CACNB2: variants seen among roughly 807,000 people sequenced by gnomAD.
CACNB2 encodes the protein voltage-dependent L-type calcium channel subunit beta-2.
In CACNB2, 42 loss-of-function variants were observed where a neutral mutation model predicts 73.3. The ratio of observed to expected loss-of-function variants is 0.57; its 90% CI spans 0.45 to 0.74. The LOEUF (loss-of-function observed/expected upper bound fraction) is 0.74. Ranked by LOEUF, CACNB2 falls within the 30% of genes least tolerant of loss-of-function variation. CACNB2 has a pLI of 0.00. For missense variants in CACNB2, 940 were observed against 853.0 expected, an observed-to-expected ratio of 1.10 and a Z score of -1.27; for synonymous variants, 348 against 310.3, an observed-to-expected ratio of 1.12 and a Z score of -1.28.
chr10:18,347,718 A>G (rs1223612583), intron 2 of CACNB2, among the ~76,000 whole-genome samples: 1 of 152,174 alleles, frequency 6.6e-6, no homozygotes, highest in Non-Finnish European at 1.5e-5. Flanking sequence ...GTAATTACTT[A>G]AGGAATGTAC....
At chr10:18,530,496 C>A in intron 10 of CACNB2, among the ~76,000 whole-genome samples, 6 of 114,356 alleles carry the variant, frequency 5.2e-5, no homozygotes, top group South Asian at 3.1e-4. Flanking sequence ...TAATAAAATG[C>A]AAGAAGTACA....
At chr10:18,356,884 C>T (rs1006884943) in intron 2 of CACNB2, among the ~76,000 whole-genome samples, 1 of 149,778 alleles carries the variant, frequency 6.7e-6, no homozygotes, top group South Asian at 2.1e-4. Context: ...CCTGCCTCAG[C>T]TTCCCAAAGT....
chr10:18,317,845 T>A (rs1176330541), intron 2 of CACNB2, among the ~76,000 whole-genome samples: 6 of 152,168 alleles, frequency 3.9e-5, no homozygotes, highest in Non-Finnish European at 8.8e-5. Context: ...CATTGGGAAA[T>A]CAGCTATGAA....
chr10:18,331,857 C>T (rs1451633352), intron 2 of CACNB2, among the ~76,000 whole-genome samples: 1 of 152,120 alleles, frequency 6.6e-6, no homozygotes, highest in Non-Finnish European at 1.5e-5. Flanking sequence ...TCATATCACT[C>T]TAAAAGTACC....
chr10:18,194,506 A>T (rs964372248), intron 2 of CACNB2, among the ~76,000 whole-genome samples: 2 of 152,152 alleles, frequency 1.3e-5, no homozygotes, highest in African/African-American at 4.8e-5. Context: ...CAGGTACCCC[A>T]TGGGCTTCTG....
chr10:18,147,834 G>A (rs1300520067), intron 1 of CACNB2, among the ~76,000 whole-genome samples: 1 of 151,868 alleles, frequency 6.6e-6, no homozygotes, highest in Admixed American at 6.6e-5. Flanking sequence ...AGAAGAAGTA[G>A]TCTAGTCCTT....
At chr10:18,530,309 CA>C (rs761718304) in intron 10 of CACNB2, among the ~76,000 whole-genome samples, 1 of 151,994 alleles carries the variant, frequency 6.6e-6, no homozygotes, top group Non-Finnish European at 1.5e-5. Flanking sequence ...TGCCCAGGGA[CA>C]CAAAAGTGAA....
chr10:18,393,277 T>C (rs1373164920), intron 2 of CACNB2, among the ~76,000 whole-genome samples: 2 of 151,960 alleles, frequency 1.3e-5, no homozygotes, highest in Admixed American at 1.3e-4. Flanking sequence ...AAAACACACA[T>C]ACACATACAT....
chr10:18,297,675 C>T (rs560859374), intron 2 of CACNB2, among the ~76,000 whole-genome samples: 1 of 152,300 alleles, frequency 6.6e-6, no homozygotes, highest in African/African-American at 2.4e-5. Flanking sequence ...AGGGCTGCTC[C>T]ACTCCCTGCT....
intron 1 of CACNB2, 30 bp from the exon 2 acceptor site, chr10:18,150,853 G>GTGTTTTTTTTTTTTTTTTTTTT: frequency 1.5e-6 from 1 of 655,040 alleles, no homozygotes; most frequent in Non-Finnish European, 2.1e-6. Context: ...AATCTTATTT[G>GTGTTTTTTTTTTTTTTTTTTTT]TCTTTTTTTT....
chr10:18,338,910 T>C (rs999220864), intron 2 of CACNB2, among the ~76,000 whole-genome samples: 1 of 151,926 alleles, frequency 6.6e-6, no homozygotes, highest in Admixed American at 6.6e-5. Flanking sequence ...AGCTAATTTT[T>C]AAATTTTTTT....
intron 2 of CACNB2, among the ~76,000 whole-genome samples, chr10:18,353,208 G>A (rs999727139): frequency 6.6e-6 from 1 of 152,048 alleles, no homozygotes; most frequent in Non-Finnish European, 1.5e-5. Context: ...TCAGGAGTTC[G>A]AGACCACCCT....
At chr10:18,414,563 C>T (rs2044832000) in intron 3 of CACNB2, among the ~76,000 whole-genome samples, 1 of 148,570 alleles carries the variant, frequency 6.7e-6, no homozygotes, top group South Asian at 2.1e-4. Context: ...CGGCTCACTG[C>T]AACCTCTGAC....
chr10:18,172,213 A>G (rs750211431), intron 2 of CACNB2, among the ~76,000 whole-genome samples: 8 of 152,066 alleles, frequency 5.3e-5, no homozygotes, highest in Non-Finnish European at 1.0e-4. Context: ...AAATACAAAA[A>G]ATTAGCCGAG....
chr10:18,348,499 A>AGATG (rs1475515311), intron 2 of CACNB2, among the ~76,000 whole-genome samples: 1 of 150,862 alleles, frequency 6.6e-6, no homozygotes, highest in Non-Finnish European at 1.5e-5. Flanking sequence ...ACAGACAGAT[A>AGATG]GATGGATGGA....
rs71402148 is a variant in CACNB2, at chr10:18,150,855, C to CTTTT, written c.121-6_121-3dup. The CTTTT allele has an allele frequency of 5.6e-3, 2,718 of 483,298 alleles. 160 individuals are homozygous for CTTTT. Among genetic ancestry groups the CTTTT allele is most frequent in the South Asian group, 0.01 (368 of 36,520 alleles). The allele number at this position is 483,298 out of a possible 1,614,324, so 29.9% of individuals were successfully genotyped here. On this transcript the variant is annotated intron_variant, in intron 1 of 13. Transcript: ENST00000324631. ...AGGGTCTCATAATAATCTTATTTGT[C>CTTTT]TTTTTTTTTTTTTTTTTTTTTTTTT...
intron 2 of CACNB2, among the ~76,000 whole-genome samples, chr10:18,248,488 T>C (rs2131542023): frequency 6.6e-6 from 1 of 152,370 alleles, no homozygotes; most frequent in African/African-American, 2.4e-5. Flanking sequence ...CTTTTTCTGT[T>C]GTATCTGTCA....
chr10:18,504,374 A>C (rs982538017), intron 5 of CACNB2, among the ~76,000 whole-genome samples: 1 of 152,216 alleles, frequency 6.6e-6, no homozygotes, highest in Non-Finnish European at 1.5e-5. Flanking sequence ...CAGCAAGCCC[A>C]GGACAGATGG....
chr10:18,216,595 T>C (rs922250300), intron 2 of CACNB2, among the ~76,000 whole-genome samples: 7 of 76,970 alleles, frequency 9.1e-5, no homozygotes, highest in Non-Finnish European at 2.0e-4. Context: ...GTAAAACACT[T>C]GTTTTTCTTT....
Sources: allele counts gnomAD v4.1 joint callset (sites outside exome capture counted in the v4.1 genomes callset), GRCh38; gene constraint gnomAD v4.1.1; transcripts MANE v1.5; gene names NCBI Gene and HGNC (gene_info 2026-07-23, HGNC 2026-07-21).